The following SPAG16 variants were observed in gnomAD, a reference collection of about 807,000 sequenced individuals.
The protein encoded by SPAG16 is sperm-associated antigen 16 protein.
In SPAG16, 86 loss-of-function variants were observed where a neutral mutation model predicts 80.4. The observed-to-expected ratio is 1.07, with a 90% CI of 0.90 to 1.28. The LOEUF is 1.28. Ranked by LOEUF, SPAG16 falls within the 50% of genes most tolerant of loss-of-function variation. The pLI is 0.00. For missense variants in SPAG16, 870 were observed against 765.3 expected (o/e 1.14, Z -1.61); for synonymous variants, 294 against 265.9 (o/e 1.11, Z -1.03).
intron 10 of SPAG16, among the ~76,000 whole-genome samples, chr2:213,589,655 C>G (rs1301532014): frequency 1.3e-5 from 2 of 152,124 alleles, no homozygotes; most frequent in Non-Finnish European, 2.9e-5. Flanking sequence ...GGCGTGATGG[C>G]TCACACCTGT....
chr2:213,578,437 G>A (rs182592227), intron 10 of SPAG16, among the ~76,000 whole-genome samples: 1 of 152,154 alleles, frequency 6.6e-6, no homozygotes, highest in East Asian at 1.9e-4. Flanking sequence ...AATAAACTTT[G>A]TATTAAGGCT....
intron 15 of SPAG16, among the ~76,000 whole-genome samples, chr2:214,229,249 T>A (rs1195934459): frequency 6.6e-6 from 1 of 151,712 alleles, no homozygotes; most frequent in Non-Finnish European, 1.5e-5. Context: ...TTCTTCTGGC[T>A]CTAAGATTAA....
rs145396645 is a variant in SPAG16 at position 213,819,587 on chromosome 2, C to T, written c.1071-42898C>T. 8.3e-4 allele frequency among the ~76,000 whole-genome samples: 126 copies of T among 152,224 alleles called. 1 individual carries two copies. The highest frequency in any genetic ancestry group is 1.5e-3 in the Admixed American group (23 of 15,260). ...CCCAGAAGCGTCTACTTCTGTCACC[C>T]AGGCTAAAGTGCAATGGCACAATTA... On this transcript the variant is annotated intron_variant, in intron 10 of 15. Coordinates refer to ENST00000331683, the MANE Select transcript of SPAG16 (RefSeq NM_024532.5).
chr2:213,946,089 G>A (rs1575616454), intron 12 of SPAG16, among the ~76,000 whole-genome samples: 1 of 152,030 alleles, frequency 6.6e-6, no homozygotes, highest in Non-Finnish European at 1.5e-5. Flanking sequence ...CTGACTTTTT[G>A]TCTTAATTTT....
intron 10 of SPAG16, among the ~76,000 whole-genome samples, chr2:213,708,694 G>A (rs2065858556): frequency 6.6e-6 from 1 of 152,140 alleles, no homozygotes; most frequent in African/African-American, 2.4e-5. Flanking sequence ...CACACCGCAG[G>A]AGAATCACTT....
chr2:214,018,157 C>T (rs181088452), intron 13 of SPAG16, among the ~76,000 whole-genome samples: 29 of 152,086 alleles, frequency 1.9e-4, no homozygotes, highest in Admixed American at 2.6e-4. Context: ...TAAAATTCTA[C>T]AAGTGAAATA....
At chr2:214,337,330 AC>A (rs1462966127) in intron 15 of SPAG16, among the ~76,000 whole-genome samples, 2 of 152,084 alleles carry the variant, frequency 1.3e-5, no homozygotes, top group Non-Finnish European at 2.9e-5. Context: ...CCCTGACCTA[AC>A]CATTAGACAC....
intron 15 of SPAG16, among the ~76,000 whole-genome samples, chr2:214,382,993 C>G (rs903824912): frequency 6.6e-6 from 1 of 151,954 alleles, no homozygotes; most frequent in Non-Finnish European, 1.5e-5. Context: ...ACTTTCATGC[C>G]CCTGCCTCAC....
intron 10 of SPAG16, among the ~76,000 whole-genome samples, chr2:213,848,939 A>C (rs2074766214): frequency 6.6e-6 from 1 of 152,144 alleles, no homozygotes; most frequent in Non-Finnish European, 1.5e-5. Context: ...TGAGACTCAG[A>C]TTGACATATA....
chr2:213,584,379 G>A (rs2060395189), intron 10 of SPAG16, among the ~76,000 whole-genome samples: 3 of 151,974 alleles, frequency 2.0e-5, no homozygotes, highest in Admixed American at 1.3e-4. Context: ...AAAGAAAATG[G>A]GAAAACAATG....
At chr2:214,264,200 G>T (rs545374608) in intron 15 of SPAG16, among the ~76,000 whole-genome samples, 1 of 152,074 alleles carries the variant, frequency 6.6e-6, no homozygotes, top group Non-Finnish European at 1.5e-5. Flanking sequence ...TGATCTTGGA[G>T]AAATCAGATC....
intron 10 of SPAG16, among the ~76,000 whole-genome samples, chr2:213,533,820 C>A (rs976676555): frequency 6.6e-6 from 1 of 151,950 alleles, no homozygotes; most frequent in South Asian, 2.1e-4. Flanking sequence ...ATTCTTTAAT[C>A]ATGTATTTAT....
intron 9 of SPAG16, among the ~76,000 whole-genome samples, chr2:213,448,871 G>A (rs1339947581): frequency 6.6e-6 from 1 of 152,060 alleles, no homozygotes; most frequent in Non-Finnish European, 1.5e-5. Context: ...TATGAAATCA[G>A]TGCACCTTGA....
chr2:213,491,078 G>A (rs577461875), intron 10 of SPAG16, among the ~76,000 whole-genome samples: 16 of 152,116 alleles, frequency 1.1e-4, no homozygotes, highest in African/African-American at 3.4e-4. Context: ...GGTATATGTC[G>A]TGAGAACATA....
chr2:213,523,204 G>C (rs1219173501), intron 10 of SPAG16, among the ~76,000 whole-genome samples: 2 of 152,114 alleles, frequency 1.3e-5, no homozygotes, highest in Non-Finnish European at 2.9e-5. Flanking sequence ...TTTCTTACAG[G>C]ATCTGATTGT....
chr2:214,311,239 C>T (rs1476163911), intron 15 of SPAG16, among the ~76,000 whole-genome samples: 1 of 152,116 alleles, frequency 6.6e-6, no homozygotes, highest in East Asian at 1.9e-4. Context: ...AGGACTATAC[C>T]TCTAGGGATC....
At chr2:214,012,003 A>C (rs1431280179) in intron 12 of SPAG16, among the ~76,000 whole-genome samples, 3 of 151,876 alleles carry the variant, frequency 2.0e-5, no homozygotes, top group Non-Finnish European at 4.4e-5. Flanking sequence ...AGGATCACCG[A>C]GTGCATCAGG....
At chr2:213,926,908 C>T (rs1265676199) in intron 11 of SPAG16, among the ~76,000 whole-genome samples, 2 of 152,174 alleles carry the variant, frequency 1.3e-5, no homozygotes, top group Non-Finnish European at 2.9e-5. Flanking sequence ...TGTATACCAA[C>T]AGCGTGGATC....
chr2:213,651,642 T>A (rs1380021314), intron 10 of SPAG16, among the ~76,000 whole-genome samples: 2 of 152,060 alleles, frequency 1.3e-5, no homozygotes, highest in Non-Finnish European at 2.9e-5. Context: ...TCCCTCTAAA[T>A]TGCACACGAA....
Sources: gnomAD v4.1 joint callset for allele counts (sites outside exome capture counted in the v4.1 genomes callset) on GRCh38, gnomAD v4.1.1 for gene constraint, MANE v1.5 for transcripts, NCBI Gene and HGNC (gene_info 2026-07-23, HGNC 2026-07-21) for gene names.